The following LPGAT1 variants were observed in gnomAD, a reference collection of about 807,000 sequenced individuals.
The protein encoded by LPGAT1 is acyl-CoA:lysophosphatidylglycerol acyltransferase 1.
Under a neutral mutation model 47.5 loss-of-function variants are expected in LPGAT1, and 11 were observed. The observed-to-expected ratio is 0.23, with a 90% confidence interval of 0.15 to 0.38. The LOEUF (loss-of-function observed/expected upper bound fraction) is 0.38. Among genes scored for constraint, LPGAT1 ranks in the 10% least tolerant of loss-of-function variants. The pLI is 1.00. For synonymous variants in LPGAT1, 138 were observed against 144.2 expected (o/e 0.96, Z 0.31); for missense variants, 293 against 439.0 (o/e 0.67, Z 2.97).
In LPGAT1 at chr1:211,749,882, C is replaced by T; in HGVS notation, c.*17G>A. 1.2e-6 allele frequency: 2 copies of T among 1,613,040 alleles called. No individual in the cohort carries two copies. The highest frequency in any genetic ancestry group is 1.7e-6 in the Non-Finnish European group (2 of 1,179,560). On this transcript the variant is annotated 3_prime_UTR_variant, in exon 8 of 8. Transcript: ENST00000366997. ...GTCTGAACTCCTACGGTGACCTTGA[C>T]AAGTCCACGTCAATTCCTAAAACAG...
intron 6 of LPGAT1, among the ~76,000 whole-genome samples, chr1:211,771,782 C>T (rs574493554): frequency 5.0e-4 from 76 of 152,190 alleles, no homozygotes; most frequent in African/African-American, 1.7e-3. Flanking sequence ...GGATTACAGG[C>T]GTGAGCGACC....
intron 2 of LPGAT1, among the ~76,000 whole-genome samples, chr1:211,794,039 C>T (rs1306403714): frequency 6.6e-6 from 1 of 152,196 alleles, no homozygotes; most frequent in Non-Finnish European, 1.5e-5. Context: ...GTTCAATGCA[C>T]TGAAAAACGT....
At chr1:211,760,706 T>C (rs1657660556) in intron 6 of LPGAT1, among the ~76,000 whole-genome samples, 1 of 152,190 alleles carries the variant, frequency 6.6e-6, no homozygotes, top group Admixed American at 6.5e-5. Context: ...ACCTCTGAAC[T>C]ATGTATGTAT....
At chr1:211,767,387 C>T (rs1237400934) in intron 6 of LPGAT1, among the ~76,000 whole-genome samples, 1 of 152,138 alleles carries the variant, frequency 6.6e-6, no homozygotes, top group Admixed American at 6.6e-5. Context: ...CCATTCACCT[C>T]GGCCTCCCAA....
intron 6 of LPGAT1, among the ~76,000 whole-genome samples, chr1:211,753,962 A>G (rs1396686795): frequency 6.6e-6 from 1 of 152,180 alleles, no homozygotes; most frequent in Non-Finnish European, 1.5e-5. Context: ...TCCCCAAAGA[A>G]ACATCCTCTG....
intron 4 of LPGAT1, among the ~76,000 whole-genome samples, chr1:211,785,984 G>A (rs1162264531): frequency 6.6e-6 from 1 of 152,088 alleles, no homozygotes; most frequent in African/African-American, 2.4e-5. Context: ...TCCTAAAGCT[G>A]GAAATGAGGT....
intron 2 of LPGAT1, among the ~76,000 whole-genome samples, chr1:211,818,729 C>T (rs1660264646): frequency 6.6e-6 from 1 of 152,196 alleles, no homozygotes; most frequent in Admixed American, 6.5e-5. Flanking sequence ...TAGAGCTTTA[C>T]TGTATTAATG....
intron 6 of LPGAT1, among the ~76,000 whole-genome samples, chr1:211,756,682 C>T (rs1657468538): frequency 6.6e-6 from 1 of 152,102 alleles, no homozygotes; most frequent in South Asian, 2.1e-4. Context: ...ATAAAATCAT[C>T]CTATAGGTTA....
chr1:211,752,126 C>T (rs1165832541), intron 6 of LPGAT1, among the ~76,000 whole-genome samples: 1 of 152,166 alleles, frequency 6.6e-6, no homozygotes, highest in African/African-American at 2.4e-5. Context: ...CGGAGTAAAT[C>T]GTGGCTACTT....
intron 4 of LPGAT1, among the ~76,000 whole-genome samples, chr1:211,785,318 A>G (rs1398854762): frequency 1.3e-5 from 2 of 152,202 alleles, no homozygotes; most frequent in African/African-American, 2.4e-5. Context: ...TATTTTTACT[A>G]TTCTTGGAAA....
intron 2 of LPGAT1, among the ~76,000 whole-genome samples, chr1:211,806,380 T>TA (rs1421013182): frequency 4.1e-5 from 6 of 147,766 alleles, no homozygotes; most frequent in Non-Finnish European, 7.4e-5. Context: ...GCAACATGGA[T>TA]ACAGCTGGAA....
Position 211,747,487 on chromosome 1 carries a change from T to G in LPGAT1, c.*2412A>C, listed in dbSNP as rs1656990178. 6.6e-6 allele frequency: 1 copy of G among 152,248 alleles called. No homozygotes were observed. Among genetic ancestry groups the G allele is most frequent in the Non-Finnish European group, 1.5e-5 (1 of 68,050 alleles). The allele number at this position is 152,248 out of a possible 1,614,324, so 9.4% of individuals were successfully genotyped here. A position where few individuals can be genotyped will look rare whatever the true frequency, so the allele number is the denominator to read the frequency against. On this transcript the variant is annotated 3_prime_UTR_variant, in exon 8 of 8. Coordinates refer to ENST00000366997, the MANE Select transcript of LPGAT1 (RefSeq NM_014873.3). ...GTGTACAGTATATTTAACAATATCA[T>G]GTTCCTTTGGAGCACAGTGATGGCA...
intron 5 of LPGAT1, among the ~76,000 whole-genome samples, chr1:211,780,547 T>C (rs1345027799): frequency 6.6e-6 from 1 of 152,244 alleles, no homozygotes; most frequent in Non-Finnish European, 1.5e-5. Flanking sequence ...CAATGATATA[T>C]TACTTTTGTA....
At chr1:211,825,831 A>G (rs1051589845) in intron 2 of LPGAT1, among the ~76,000 whole-genome samples, 49 of 152,224 alleles carry the variant, frequency 3.2e-4, no homozygotes, top group African/African-American at 1.2e-3. Flanking sequence ...GTGGTGGCAC[A>G]CGCCTGTAGT....
chr1:211,800,509 A>G (rs1659532079), intron 2 of LPGAT1, among the ~76,000 whole-genome samples: 1 of 152,222 alleles, frequency 6.6e-6, no homozygotes, highest in African/African-American at 2.4e-5. Flanking sequence ...AGAGCAGGAA[A>G]ATCAAAGATA....
At chr1:211,822,397 G>A (rs1184709914) in intron 2 of LPGAT1, among the ~76,000 whole-genome samples, 3 of 152,246 alleles carry the variant, frequency 2.0e-5, no homozygotes, top group East Asian at 3.9e-4. Context: ...CAGGGATGGA[G>A]AAGAACAAAA....
chr1:211,787,898 T>C (rs1658954159), intron 3 of LPGAT1, among the ~76,000 whole-genome samples, 171 bp from the exon 4 acceptor site: 1 of 152,200 alleles, frequency 6.6e-6, no homozygotes, highest in African/African-American at 2.4e-5. Flanking sequence ...AGTGTCTACA[T>C]GAAAAATTAC....
rs1042928 is a variant in LPGAT1, at chr1:211,746,935, A to G, written c.*2964T>C. 0.015 allele frequency: 2,253 copies of G among 152,308 alleles called. 88 individuals are homozygous for G. The highest frequency in any genetic ancestry group is 0.096 in the East Asian group (498 of 5,166). The allele number at this position is 152,308 out of a possible 1,614,324, so 9.4% of individuals were successfully genotyped here. A position where few individuals can be genotyped will look rare whatever the true frequency, so the allele number is the denominator to read the frequency against. ...TGTTCCATCACTGTAACTCATCAAT[A>G]CCAAGATTCCAGCAATGGATTCTCA... On this transcript the variant is annotated 3_prime_UTR_variant, in exon 8 of 8. Coordinates refer to ENST00000366997, the MANE Select transcript of LPGAT1 (RefSeq NM_014873.3).
intron 6 of LPGAT1, 96 bp from the exon 7 acceptor site, chr1:211,751,163 T>G: frequency 1.2e-6 from 1 of 803,416 alleles, no homozygotes; most frequent in Non-Finnish European, 2.0e-6. Context: ...AATAAAATTG[T>G]GTTGTCATCT....
Sources: allele counts gnomAD v4.1 joint callset (sites outside exome capture counted in the v4.1 genomes callset), GRCh38; gene constraint gnomAD v4.1.1; transcripts MANE v1.5; gene names NCBI Gene and HGNC (gene_info 2026-07-23, HGNC 2026-07-21).